The following CELF2 variants were observed in gnomAD, a reference collection of about 807,000 sequenced individuals.
CELF2 encodes the protein CUGBP Elav-like family member 2.
CELF2 carries 8 observed loss-of-function variants against 62.6 expected under a neutral mutation model. The observed-to-expected ratio is 0.13, with a 90% CI of 0.07 to 0.23. CELF2 has a LOEUF of 0.23. Ranked by LOEUF, CELF2 falls within the 10% of genes least tolerant of loss-of-function variation. The pLI is 1.00. For missense variants in CELF2, 333 were observed against 671.0 expected (o/e 0.50, Z 5.56); for synonymous variants, 258 against 250.0 (o/e 1.03, Z -0.30).
chr10:10,779,972 AAGGTGATGGG>A, the CELF2 span, among the ~76,000 whole-genome samples: 1 of 152,134 alleles, frequency 6.6e-6, no homozygotes, highest in African/African-American at 2.4e-5. Context: ...CTGGGAGTTC[AAGGTGATGGG>A]AGGTTAGGGA....
chr10:11,327,982 C>G (rs2095843935), intron 12 of CELF2, among the ~76,000 whole-genome samples: 1 of 152,206 alleles, frequency 6.6e-6, no homozygotes, highest in Admixed American at 6.5e-5. Context: ...GCACCCTTTA[C>G]AGCCTTGCTA....
At chr10:10,969,584 C>T (rs2050536463) in intron 2 of CELF2, among the ~76,000 whole-genome samples, 2 of 152,094 alleles carry the variant, frequency 1.3e-5, no homozygotes, top group Admixed American at 1.3e-4. Flanking sequence ...ATCTCCTTCT[C>T]CCTCCCCTCC....
chr10:10,981,557 T>C (rs2052104752), intron 2 of CELF2, among the ~76,000 whole-genome samples: 1 of 152,252 alleles, frequency 6.6e-6, no homozygotes, highest in Non-Finnish European at 1.5e-5. Context: ...CTTAGTGTTC[T>C]ATCGTCCATG....
the CELF2 span, among the ~76,000 whole-genome samples, chr10:10,775,159 G>A: frequency 2.0e-5 from 3 of 152,158 alleles, no homozygotes; most frequent in Non-Finnish European, 4.4e-5. Flanking sequence ...TTACAGGCGT[G>A]AGCCACAGTG....
chr10:10,817,816 A>G (rs2056608707), intron 1 of CELF2, among the ~76,000 whole-genome samples: 1 of 152,230 alleles, frequency 6.6e-6, no homozygotes, highest in Non-Finnish European at 1.5e-5. Context: ...GTAAAGTAAT[A>G]AGGTTACTGA....
At chr10:10,775,459 GTC>G in the CELF2 span, among the ~76,000 whole-genome samples, 10 of 152,050 alleles carry the variant, frequency 6.6e-5, no homozygotes, top group African/African-American at 2.2e-4. Flanking sequence ...GTAAAACCCA[GTC>G]TCTACTAAAA....
Position 10,940,326 on chromosome 10 carries a change from C to A in CELF2, c.89+20327C>A, listed in dbSNP as rs149988712. Among the ~76,000 whole-genome samples the A allele has an allele frequency of 1.3e-3, 192 of 152,230 alleles. 3 individuals carry two copies. Among genetic ancestry groups the A allele is most frequent in the Non-Finnish European group, 2.0e-3 (138 of 67,996 alleles). ...ATAAATCAGTTCCCAGTGTTCTGGG[C>A]AGTTCATAGGTCTCAATGAATCATT... On this transcript the variant is annotated intron_variant, in intron 2 of 13. Transcript: ENST00000636488.
the CELF2 span, among the ~76,000 whole-genome samples, chr10:10,685,533 A>G: frequency 0.012 from 1,815 of 152,340 alleles, 45 homozygotes; most frequent in South Asian, 0.054. Flanking sequence ...ATACTATCAG[A>G]ATGTATTTTA....
intron 1 of CELF2, among the ~76,000 whole-genome samples, chr10:10,908,478 C>T (rs1229542394): frequency 6.6e-6 from 1 of 151,780 alleles, no homozygotes. Context: ...CCTCGGCCTC[C>T]CAAAGTGCTA....
chr10:11,013,472 G>T (rs902888341), upstream of CELF2, among the ~76,000 whole-genome samples: 1 of 152,166 alleles, frequency 6.6e-6, no homozygotes, highest in Non-Finnish European at 1.5e-5. This position sits in a 1 kb window ranked among gnomAD's most constrained non-coding sequence, Gnocchi z 4.1. Flanking sequence ...GAGAAGGTAT[G>T]TATCCAAGGA....
At chr10:10,882,241 T>C (rs562712329) in intron 1 of CELF2, among the ~76,000 whole-genome samples, 10 of 152,146 alleles carry the variant, frequency 6.6e-5, no homozygotes, top group Non-Finnish European at 1.5e-4. Flanking sequence ...AAGCAATTAA[T>C]CAGAAAAGTG....
the CELF2 span, among the ~76,000 whole-genome samples, chr10:10,625,165 G>A: frequency 6.6e-6 from 1 of 152,132 alleles, no homozygotes; most frequent in East Asian, 1.9e-4. Context: ...AGGGAAGGTG[G>A]GAAATTTTCC....
chr10:10,502,034 T>C, the CELF2 span, among the ~76,000 whole-genome samples: 1 of 152,154 alleles, frequency 6.6e-6, no homozygotes, highest in Non-Finnish European at 1.5e-5. Context: ...ATTTTTCTTT[T>C]TTATTCTGCT....
In CELF2 at chr10:11,110,859, A is replaced by AC. The variant is rs948426801; in HGVS notation, c.75-54622dup. ...CATGCCCGAGAGCTTGGAAGCCTAGACCCCCACTAACAAGGAGCAAAGCCC... is the reference window on the plus strand; with the variant it reads ...CATGCCCGAGAGCTTGGAAGCCTAGACCCCCCACTAACAAGGAGCAAAGCCC... On this transcript the variant is annotated intron_variant, in intron 1 of 12. Transcript: ENST00000633077. The surrounding 1 kb of genome is among the most constrained non-coding windows in gnomAD (Gnocchi z 4.0). 6.6e-6 allele frequency among the ~76,000 whole-genome samples: 1 copy of AC among 151,924 alleles called. No individual in the cohort carries two copies. Among genetic ancestry groups the AC allele is most frequent in the Non-Finnish European group, 1.5e-5 (1 of 67,988 alleles).
the CELF2 span, among the ~76,000 whole-genome samples, chr10:10,500,551 T>C: frequency 6.6e-6 from 1 of 152,182 alleles, no homozygotes; most frequent in Non-Finnish European, 1.5e-5. Context: ...ATGTAAGACA[T>C]GCCTTTTGCC....
At chr10:10,680,578 G>A in the CELF2 span, among the ~76,000 whole-genome samples, 4 of 152,170 alleles carry the variant, frequency 2.6e-5, no homozygotes, top group Admixed American at 6.5e-5. Context: ...TCTTATTAGG[G>A]CCCAGTTACA....
chr10:11,209,871 T>C (rs1329389612), intron 2 of CELF2, among the ~76,000 whole-genome samples: 1 of 151,646 alleles, frequency 6.6e-6, no homozygotes, highest in Admixed American at 6.6e-5. Flanking sequence ...GTAAGAGGAG[T>C]GTGTCCTCTT....
intron 3 of CELF2, among the ~76,000 whole-genome samples, chr10:11,222,894 A>T (rs1425845213): frequency 6.6e-6 from 1 of 152,258 alleles, no homozygotes; most frequent in African/African-American, 2.4e-5. Flanking sequence ...TGTTTCATAG[A>T]CACAGATCTA....
intron 1 of CELF2, among the ~76,000 whole-genome samples, chr10:10,812,607 CT>C (rs1240858816): frequency 6.6e-6 from 1 of 152,172 alleles, no homozygotes; most frequent in Non-Finnish European, 1.5e-5. Context: ...GTGCCTGGTC[CT>C]GTATGCAGGA....
Sources: gnomAD v4.1 joint callset for allele counts (sites outside exome capture counted in the v4.1 genomes callset) on GRCh38, gnomAD v4.1.1 for gene constraint, Gnocchi (gnomAD v3.1) non-coding constraint, MANE v1.5 for transcripts, NCBI Gene and HGNC (gene_info 2026-07-23, HGNC 2026-07-21) for gene names.